The following RBM26 variants were observed in gnomAD, a reference collection of about 807,000 sequenced individuals.
RBM26 encodes the protein RNA binding motif protein 26, also known as RNA-binding protein 26.
RBM26 carries 30 observed loss-of-function variants against 123.6 expected under a neutral mutation model. The ratio of observed to expected loss-of-function variants is 0.24; its 90% CI spans 0.18 to 0.33. The LOEUF (loss-of-function observed/expected upper bound fraction) is 0.33, where lower values mean the gene tolerates loss of function less well. Among genes scored for constraint, RBM26 ranks in the 10% least tolerant of loss-of-function variants. The pLI is 1.00. For synonymous variants in RBM26, 400 were observed against 404.4 expected (o/e 0.99, Z 0.13); for missense variants, 947 against 1,203.6 (o/e 0.79, Z 3.15).
Position 79,337,289 on chromosome 13 carries a change from C to T in RBM26, c.2546G>A (p.Gly849Glu). ...TELQLEAAKRGILSSGRGRGI... is the reference protein window; with the variant it reads ...TELQLEAAKREILSSGRGRGI... Reference sequence around the variant, plus strand: ...TCTGCCCCGACCAGATGAAAGAATCCCTCGTTTGGCAGCCTAGAAGAGATT... The same window carrying T: ...TCTGCCCCGACCAGATGAAAGAATCTCTCGTTTGGCAGCCTAGAAGAGATT... Residue 849 changes from glycine (G) to glutamate (E), a missense_variant, in exon 19 of 22, where the codon GGG becomes GAG. Around this residue, in one of 5 missense-constraint regions of RBM26, gnomAD observed 164 missense variants for 215.3 expected, o/e 0.76. Coordinates refer to ENST00000438737, the MANE Select transcript of RBM26 (RefSeq NM_001366735.2). 1 of 1,614,100 alleles carries T rather than the reference C, an allele frequency of 6.2e-7. No individual in the cohort carries two copies. Among genetic ancestry groups the T allele is most frequent in the Non-Finnish European group, 8.5e-7 (1 of 1,179,994 alleles).
chr13:79,314,677 T>C (rs1241824671), downstream of RBM26: 1 of 165,732 alleles, frequency 6.0e-6, no homozygotes, highest in Non-Finnish European at 1.3e-5. Context: ...TGGCTCAGAC[T>C]TGAATATACG....
chr13:79,362,704 C>A (rs1241645152), intron 9 of RBM26, among the ~76,000 whole-genome samples: 2 of 152,152 alleles, frequency 1.3e-5, no homozygotes, highest in African/African-American at 2.4e-5. Context: ...ACCTATCCAA[C>A]ATCTTTTGTT....
rs758085361 is a variant in RBM26, at chr13:79,366,829, A to G, written c.939T>C (p.His313=). 1.2e-6 allele frequency: 2 copies of G among 1,613,090 alleles called. No homozygotes were observed. The highest frequency in any genetic ancestry group is 1.3e-5 in the African/African-American group (1 of 75,026). Residue 313 remains histidine (H), a synonymous_variant, in exon 7 of 22, where the codon CAT becomes CAC. Coordinates refer to ENST00000438737, the MANE Select transcript of RBM26 (RefSeq NM_001366735.2). The part of the protein sequence containing the change: ...CMRGDMCPFD[H]GSDPVVVEDV... ...CTTCTACAACTACTGGATCACTTCC[A>G]TGATCAAAAGGACACATGTCTCCTC...
At chr13:79,357,057 G>A (rs952725107) in intron 11 of RBM26, among the ~76,000 whole-genome samples, 2 of 152,044 alleles carry the variant, frequency 1.3e-5, no homozygotes, top group Admixed American at 1.3e-4. Context: ...TTAAGTTTGT[G>A]TACAGATAAA....
At chr13:79,370,841 T>C (rs1459188920) in intron 5 of RBM26, 104 bp downstream of exon 5, 6 of 1,229,434 alleles carry the variant, frequency 4.9e-6, no homozygotes, top group Non-Finnish European at 6.8e-6. Flanking sequence ...GAATACATCA[T>C]AATAGAAAAA....
At chr13:79,350,911 CACTG>C (rs1418043597) in intron 14 of RBM26, among the ~76,000 whole-genome samples, 2 of 152,040 alleles carry the variant, frequency 1.3e-5, no homozygotes, top group Non-Finnish European at 2.9e-5. Context: ...TAAAGACACT[CACTG>C]AAGATGAATA....
chr13:79,320,342 C>T lies in RBM26; in HGVS notation c.*279G>A, dbSNP rs1030010827. The T allele has an allele frequency of 1.9e-6, 2 of 1,040,518 alleles. No homozygotes were observed. Among genetic ancestry groups the T allele is most frequent in the African/African-American group, 3.4e-5 (2 of 59,192 alleles). The allele number at this position is 1,040,518 out of a possible 1,614,324, so 64.5% of individuals were successfully genotyped here. A position where few individuals can be genotyped will look rare whatever the true frequency, so the allele number is the denominator to read the frequency against. ...ACCTATTCATTAAATTACAAAGAACCCAAAGAATTCTGTGATGTCCAGTAG... is the reference window on the plus strand; with the variant it reads ...ACCTATTCATTAAATTACAAAGAACTCAAAGAATTCTGTGATGTCCAGTAG... On this transcript the variant is annotated 3_prime_UTR_variant, in exon 22 of 22. Transcript: ENST00000438737.
downstream of RBM26, among the ~76,000 whole-genome samples, chr13:79,316,410 C>T (rs1483660823): frequency 2.5e-4 from 1 of 3,968 alleles, no homozygotes; most frequent in East Asian, 0.25. Context: ...CTTTTTGAAC[C>T]CTTATAAGCC....
chr13:79,404,320 T>C (rs540593227), intron 1 of RBM26, among the ~76,000 whole-genome samples: 3 of 152,328 alleles, frequency 2.0e-5, no homozygotes, highest in South Asian at 2.1e-4. Context: ...ATTTTACTTA[T>C]GAAATGTATT....
At position 79,322,446 on chromosome 13, in the gene RBM26, G is replaced by C; in HGVS notation, c.2837C>G (p.Ala946Gly). 1 of 1,567,550 alleles carries C rather than the reference G, an allele frequency of 6.4e-7. No homozygotes were observed. The highest frequency in any genetic ancestry group is 8.6e-7 in the Non-Finnish European group (1 of 1,162,316). Reference sequence around the variant, plus strand: ...TTTTAGATCTTGCCCTTTGAAACGAGCTCCATGAACTGCAGCCTAAAATGA... The same window carrying C: ...TTTTAGATCTTGCCCTTTGAAACGACCTCCATGAACTGCAGCCTAAAATGA... ...AEAEAAAVHG[A>G]RFKGQDLKLA... is the part of the protein sequence containing the mutation. Residue 946 changes from alanine to glycine, a missense_variant, in exon 21 of 22, where the codon GCT becomes GGT. Ala to Gly is a moderately conservative substitution (Grantham distance 60, BLOSUM62 0). This residue lies in a region of RBM26 where 164 missense variants were observed against 215.3 expected (regional missense o/e 0.76). Transcript: ENST00000438737.
At chr13:79,399,917 T>C (rs1167321485) in intron 1 of RBM26, among the ~76,000 whole-genome samples, 1 of 152,034 alleles carries the variant, frequency 6.6e-6, no homozygotes, top group Non-Finnish European at 1.5e-5. Flanking sequence ...GAAGTTTAGA[T>C]GAGCGATCCA....
Position 79,371,913 on chromosome 13 carries a change from C to T in RBM26, c.345G>A (p.Glu115=), listed in dbSNP as rs2075920381. ...GCCTTCTAGAAAACTTCTTCTCTCGCTCTTCCTCCTTAGTGATCTGATTAA... is the reference window on the plus strand; with the variant it reads ...GCCTTCTAGAAAACTTCTTCTCTCGTTCTTCCTCCTTAGTGATCTGATTAA... ...IKKEEITKEE[E]REKKFSRRLN... The change falls in exon 4 of 22, where the codon GAG becomes GAA. Residue 115 remains glutamate, a synonymous_variant. Coordinates refer to ENST00000438737, the MANE Select transcript of RBM26 (RefSeq NM_001366735.2). The T allele has an allele frequency of 6.2e-7, 1 of 1,606,288 alleles. No homozygotes were observed.
chr13:79,398,111 G>T (rs980445838), intron 1 of RBM26, among the ~76,000 whole-genome samples: 3 of 152,170 alleles, frequency 2.0e-5, no homozygotes, highest in African/African-American at 7.2e-5. Context: ...CAGAAATAAA[G>T]TAGTAGGAGA....
At chr13:79,392,269 A>G (rs2078150855) in intron 1 of RBM26, among the ~76,000 whole-genome samples, 2 of 135,696 alleles carry the variant, frequency 1.5e-5, no homozygotes, top group South Asian at 4.5e-4. Flanking sequence ...TTATATAATT[A>G]TATATTAATT....
chr13:79,388,834 G>C (rs989146416), intron 1 of RBM26, among the ~76,000 whole-genome samples: 1 of 152,090 alleles, frequency 6.6e-6, no homozygotes, highest in Non-Finnish European at 1.5e-5. Context: ...GAAAGTAATA[G>C]TAACAAATAA....
chr13:79,392,506 A>G (rs935411908), intron 1 of RBM26, among the ~76,000 whole-genome samples: 8 of 146,592 alleles, frequency 5.5e-5, no homozygotes, highest in Non-Finnish European at 9.0e-5. Flanking sequence ...ATATTCTAAT[A>G]TATTAGTTAT....
chr13:79,322,240 T>C (rs967098604), intron 21 of RBM26, 109 bp downstream of exon 21: 3 of 633,684 alleles, frequency 4.7e-6, no homozygotes, highest in East Asian at 3.2e-5. Context: ...GCCTGGACTA[T>C]GGGTCAGGAA....
intron 1 of RBM26, among the ~76,000 whole-genome samples, chr13:79,401,966 C>A (rs1031387386): frequency 6.6e-6 from 1 of 151,724 alleles, no homozygotes; most frequent in Non-Finnish European, 1.5e-5. Flanking sequence ...ATCCACCTGC[C>A]CCTCAATTTT....
At chr13:79,362,284 C>T (rs1354062159) in intron 9 of RBM26, among the ~76,000 whole-genome samples, 4 of 152,170 alleles carry the variant, frequency 2.6e-5, no homozygotes, top group African/African-American at 9.6e-5. Context: ...CTTATTACCC[C>T]TATTCTAAGC....
Sources: allele counts gnomAD v4.1 joint callset (sites outside exome capture counted in the v4.1 genomes callset), GRCh38; gene constraint gnomAD v4.1.1; regional missense constraint gnomAD v4.1.1; transcripts MANE v1.5; gene names NCBI Gene and HGNC (gene_info 2026-07-23, HGNC 2026-07-21).